The following INO80C variants were observed in gnomAD, a reference collection of about 807,000 sequenced individuals.
INO80C encodes INO80 complex subunit C.
In INO80C, 17 loss-of-function variants were observed where a neutral mutation model predicts 17.7. The ratio of observed to expected loss-of-function variants is 0.96; its 90% CI spans 0.66 to 1.44. The LOEUF (loss-of-function observed/expected upper bound fraction) is 1.44, where lower values mean the gene tolerates loss of function less well. Ranked by LOEUF, INO80C falls within the 40% of genes most tolerant of loss-of-function variation. INO80C has a pLI of 0.00. For missense variants in INO80C, 244 were observed against 245.0 expected, an observed-to-expected ratio of 1.00 and a Z score of 0.03; for synonymous variants, 96 against 95.8, an observed-to-expected ratio of 1.00 and a Z score of -0.01.
chr18:35,483,791 C>CT (rs1192625556), intron 1 of INO80C: 1 of 152,140 alleles, frequency 6.6e-6, no homozygotes, highest in Non-Finnish European at 1.5e-5. Flanking sequence ...GTGTGGTTAC[C>CT]TGCAGGGGCA....
chr18:35,473,403 T>C (rs1598736394), intron 4 of INO80C, among the ~76,000 whole-genome samples: 2 of 152,210 alleles, frequency 1.3e-5, no homozygotes, highest in East Asian at 3.9e-4. Context: ...TTCCTGACCA[T>C]GGGGCAGAGG....
At chr18:35,491,374 C>T (rs2045931345) in intron 1 of INO80C, among the ~76,000 whole-genome samples, 1 of 152,178 alleles carries the variant, frequency 6.6e-6, no homozygotes, top group Non-Finnish European at 1.5e-5. Context: ...CACACGGAAG[C>T]ACTGGTTTTT....
chr18:35,468,520 A>T lies in INO80C; in HGVS notation c.*91T>A, dbSNP rs1481803764. The T allele has an allele frequency of 2.5e-6, 4 of 1,585,520 alleles. No individual in the cohort carries two copies. The highest frequency in any genetic ancestry group is 4.5e-5 in the East Asian group (2 of 44,422). The stretch of plus-strand genomic sequence containing the variant: ...GCACAGCACTGGCATTTTCAGATTG[A>T]CAGCAGAACGAGTTTGTTTCCGTGA... On this transcript the variant is annotated 3_prime_UTR_variant, in exon 5 of 5. Coordinates refer to ENST00000334598, the MANE Select transcript of INO80C (RefSeq NM_194281.4).
chr18:35,471,274 T>G (rs1299755229), intron 4 of INO80C, among the ~76,000 whole-genome samples: 1 of 152,252 alleles, frequency 6.6e-6, no homozygotes, highest in African/African-American at 2.4e-5. Context: ...AAGTCCTCTG[T>G]CTTCCCCAGG....
intron 3 of INO80C, 148 bp downstream of exon 3, chr18:35,479,152 T>C (rs2045774760): frequency 1.7e-6 from 1 of 592,310 alleles, no homozygotes; most frequent in Non-Finnish European, 3.0e-6. Context: ...AATACACACA[T>C]AATCTGCCCA....
At chr18:35,491,017 C>T (rs1398210589) in intron 1 of INO80C, among the ~76,000 whole-genome samples, 1 of 152,218 alleles carries the variant, frequency 6.6e-6, no homozygotes, top group African/African-American at 2.4e-5. Flanking sequence ...ACCTGGGCCT[C>T]CCAAAGTGCT....
intron 1 of INO80C, among the ~76,000 whole-genome samples, chr18:35,496,456 C>T (rs1443804371): frequency 6.6e-6 from 1 of 152,224 alleles, no homozygotes; most frequent in Admixed American, 6.5e-5. Flanking sequence ...GAAGGAAAGA[C>T]AGTACTGACA....
chr18:35,480,564 C>T lies in INO80C; in HGVS notation c.157-1G>A, dbSNP rs1233062851. On this transcript the variant is annotated splice_acceptor_variant, in intron 1 of 4. Transcript: ENST00000334598. LOFTEE classifies it high-confidence loss of function. ...CACTCATGGCTTCCATGCTGATACCCTTAAAACATAATAAAAATAGTTTGA... is the reference window on the plus strand; with the variant it reads ...CACTCATGGCTTCCATGCTGATACCTTTAAAACATAATAAAAATAGTTTGA... The T allele has an allele frequency of 6.3e-7, 1 of 1,599,356 alleles. No homozygotes were observed. The highest frequency in any genetic ancestry group is 2.2e-5 in the East Asian group (1 of 44,810).
At chr18:35,496,777 T>A (rs1356917170) in intron 1 of INO80C, 1 of 152,244 alleles carries the variant, frequency 6.6e-6, no homozygotes, top group African/African-American at 2.4e-5. Context: ...CCTCTCACCT[T>A]GGCCTCTCAA....
chr18:35,474,072 A>G (rs1232478718), intron 4 of INO80C, among the ~76,000 whole-genome samples: 1 of 151,612 alleles, frequency 6.6e-6, no homozygotes, highest in African/African-American at 2.4e-5. Flanking sequence ...AAGGCAGTCA[A>G]CAGAAACTGG....
Position 35,475,576 on chromosome 18 carries a change from A to G in INO80C, c.447+2706T>C, listed in dbSNP as rs372375879. On this transcript the variant is annotated intron_variant, in intron 4 of 4. Coordinates refer to ENST00000334598, the MANE Select transcript of INO80C (RefSeq NM_194281.4). ...CCCCAGTTACTTGGGAGGCTGAGGT[A>G]GATGCATCACCTGAGCCTGGGAGGT... is the stretch of plus-strand genomic sequence containing the variant. 7.9e-5 allele frequency among the ~76,000 whole-genome samples: 12 copies of G among 151,750 alleles called. No homozygotes were observed. In the East Asian group the frequency reaches 1.4e-3, roughly 17 times the overall value.
intron 1 of INO80C, among the ~76,000 whole-genome samples, chr18:35,492,278 A>G (rs1375372810): frequency 6.6e-6 from 1 of 152,232 alleles, no homozygotes; most frequent in Admixed American, 6.5e-5. Context: ...AATATCCAAT[A>G]ATAAAGTCAA....
intron 3 of INO80C, chr18:35,479,026 TAAG>T: frequency 7.0e-6 from 2 of 284,218 alleles, no homozygotes; most frequent in Non-Finnish European, 1.3e-5. Context: ...GACTTTTGAA[TAAG>T]AAGTTTGTCT....
At chr18:35,497,581 C>A (rs1282979887) in intron 1 of INO80C, 138 bp downstream of exon 1, 2 of 1,427,108 alleles carry the variant, frequency 1.4e-6, no homozygotes, top group Non-Finnish European at 1.8e-6. Context: ...GTCATTCACT[C>A]CGCGGGGCAG....
intron 1 of INO80C, among the ~76,000 whole-genome samples, chr18:35,484,886 A>G (rs902062048): frequency 6.6e-6 from 1 of 152,242 alleles, no homozygotes; most frequent in Admixed American, 6.5e-5. Flanking sequence ...TGTCAGAAAG[A>G]AAGCACTTGT....
intron 1 of INO80C, among the ~76,000 whole-genome samples, chr18:35,481,448 T>C (rs999503321): frequency 6.6e-6 from 1 of 152,262 alleles, no homozygotes. Context: ...GTACAATTCC[T>C]ATCCTTGTCA....
At position 35,468,423 on chromosome 18, in the gene INO80C, T is replaced by G. The variant is rs531608085; in HGVS notation, c.*188A>C. The G allele has an allele frequency of 3.7e-5, 52 of 1,411,228 alleles. No homozygotes were observed. The African/African-American group carries it at 6.6e-4, about 18-fold the overall frequency. 87.4% of individuals were successfully genotyped at this position (1,411,228 alleles called of 1,614,324 possible). A position where few individuals can be genotyped will look rare whatever the true frequency, so the allele number is the denominator to read the frequency against. On this transcript the variant is annotated 3_prime_UTR_variant, in exon 5 of 5. Coordinates refer to ENST00000334598, the MANE Select transcript of INO80C (RefSeq NM_194281.4). ...GTATAATTTAATTCAGCAGGAAATA[T>G]CACACTTGGAGGGAAAACACACACT...
intron 4 of INO80C, among the ~76,000 whole-genome samples, chr18:35,473,596 A>G (rs1012124771): frequency 1.3e-5 from 2 of 152,172 alleles, no homozygotes; most frequent in Non-Finnish European, 2.9e-5. Context: ...CTTACTGGAG[A>G]GTGGTTAAGA....
At chr18:35,493,037 T>C (rs750241891) in intron 1 of INO80C, among the ~76,000 whole-genome samples, 3 of 152,180 alleles carry the variant, frequency 2.0e-5, no homozygotes, top group Non-Finnish European at 4.4e-5. Context: ...AAAAAGAATG[T>C]AGACTCTGGA....
Sources: allele counts gnomAD v4.1 joint callset (sites outside exome capture counted in the v4.1 genomes callset), GRCh38; gene constraint gnomAD v4.1.1; transcripts MANE v1.5; gene names NCBI Gene and HGNC (gene_info 2026-07-23, HGNC 2026-07-21).